The following ATRNL1 variants were observed in gnomAD, a reference collection of about 807,000 sequenced individuals.
The protein encoded by ATRNL1 is attractin like 1.
A neutral mutation model predicts 182.7 loss-of-function variants in ATRNL1; 95 were observed. The observed-to-expected ratio is 0.52, with a 90% CI of 0.44 to 0.62. The LOEUF (loss-of-function observed/expected upper bound fraction) is 0.62. ATRNL1 is among the 20% of genes least tolerant of loss of function. ATRNL1 has a pLI of 0.00. For missense variants in ATRNL1, 1,471 were observed against 1,679.5 expected (o/e 0.88, Z 2.17); for synonymous variants, 576 against 568.3 (o/e 1.01, Z -0.19).
chr10:115,521,950 T>C (rs1419947427), intron 25 of ATRNL1, among the ~76,000 whole-genome samples: 1 of 152,224 alleles, frequency 6.6e-6, no homozygotes, highest in Admixed American at 6.5e-5. Flanking sequence ...TTTACTGTTA[T>C]TGCTGTTATT....
intron 21 of ATRNL1, among the ~76,000 whole-genome samples, chr10:115,438,368 A>G (rs1846507095): frequency 6.6e-6 from 1 of 151,978 alleles, no homozygotes; most frequent in South Asian, 2.1e-4. Context: ...TGCAAGAGTA[A>G]AGCAAATCTT....
chr10:115,616,767 A>G (rs1857449378), intron 26 of ATRNL1, among the ~76,000 whole-genome samples: 1 of 152,242 alleles, frequency 6.6e-6, no homozygotes, highest in South Asian at 2.1e-4. Flanking sequence ...CATGGTTTCA[A>G]GCCTGTAGAT....
rs576359611 is a variant in ATRNL1 at position 115,829,258 on chromosome 10, A to G, written c.3904-18619A>G. Among the ~76,000 whole-genome samples, 248 of 152,294 alleles carry G rather than the reference A, an allele frequency of 1.6e-3. 11 individuals are homozygous for G. The South Asian group carries it at 0.049, about 30-fold the overall frequency. Reference sequence around the variant, plus strand: ...TCTACTTTAGGAAAAGAAAAGGGAAATTTATGGCAGATAGGAGTTGAGAGC... The same window carrying G: ...TCTACTTTAGGAAAAGAAAAGGGAAGTTTATGGCAGATAGGAGTTGAGAGC... On this transcript the variant is annotated intron_variant, in intron 27 of 28. Transcript: ENST00000355044.
intron 26 of ATRNL1, among the ~76,000 whole-genome samples, chr10:115,616,577 C>A (rs928544124): frequency 2.6e-5 from 4 of 152,176 alleles, no homozygotes; most frequent in Admixed American, 2.0e-4. Context: ...ATCACAAGCC[C>A]AGAGGCCTAA....
intron 17 of ATRNL1, among the ~76,000 whole-genome samples, chr10:115,304,029 A>G (rs1853610810): frequency 6.6e-6 from 1 of 152,058 alleles, no homozygotes; most frequent in Non-Finnish European, 1.5e-5. Context: ...TTCATTTGTC[A>G]TATTTGAAAC....
chr10:115,303,579 T>C (rs1272209043), intron 17 of ATRNL1, among the ~76,000 whole-genome samples: 3 of 152,304 alleles, frequency 2.0e-5, no homozygotes, highest in African/African-American at 7.2e-5. Flanking sequence ...AAATATCAGT[T>C]ATTTGGTAAA....
intron 28 of ATRNL1, among the ~76,000 whole-genome samples, chr10:115,910,998 A>G (rs1342243927): frequency 1.3e-5 from 2 of 151,870 alleles, no homozygotes; most frequent in African/African-American, 4.8e-5. Context: ...TGTATTTTTC[A>G]TTATTTATTT....
intron 20 of ATRNL1, among the ~76,000 whole-genome samples, chr10:115,413,200 A>G (rs782431331): frequency 7.2e-5 from 11 of 152,068 alleles, no homozygotes; most frequent in Non-Finnish European, 1.2e-4. Context: ...ATCCTTTGTA[A>G]TGAGATATTT....
chr10:115,382,455 TA>T (rs1858071680), intron 19 of ATRNL1, among the ~76,000 whole-genome samples: 1 of 152,018 alleles, frequency 6.6e-6, no homozygotes, highest in Non-Finnish European at 1.5e-5. Context: ...TATATGAAAT[TA>T]TTTTTTTAAT....
chr10:115,340,288 A>G (rs1554937882), intron 19 of ATRNL1, among the ~76,000 whole-genome samples: 1 of 151,908 alleles, frequency 6.6e-6, no homozygotes, highest in African/African-American at 2.4e-5. Context: ...GACTGCAGGT[A>G]TGTGCCAACA....
At chr10:115,427,683 ATACTT>A (rs1299221265) in intron 21 of ATRNL1, among the ~76,000 whole-genome samples, 1 of 152,152 alleles carries the variant, frequency 6.6e-6, no homozygotes, top group Non-Finnish European at 1.5e-5. Flanking sequence ...TGTGAAGACT[ATACTT>A]TAATCAATGA....
At chr10:115,095,198 C>T (rs992037240) in intron 1 of ATRNL1, among the ~76,000 whole-genome samples, 1 of 152,048 alleles carries the variant, frequency 6.6e-6, no homozygotes, top group Non-Finnish European at 1.5e-5. Flanking sequence ...AGTTTGCTGG[C>T]TGGTTTGTGG....
At chr10:115,934,829 T>G (rs1469376780) in intron 28 of ATRNL1, among the ~76,000 whole-genome samples, 1 of 152,216 alleles carries the variant, frequency 6.6e-6, no homozygotes, top group Non-Finnish European at 1.5e-5. Context: ...CTAAGGCCAC[T>G]TTATGGACCC....
intron 21 of ATRNL1, among the ~76,000 whole-genome samples, chr10:115,439,795 G>A (rs1299332051): frequency 2.0e-5 from 3 of 151,892 alleles, no homozygotes; most frequent in Non-Finnish European, 4.4e-5. Flanking sequence ...AGCAAGTGGA[G>A]AGATGTGAAG....
chr10:115,179,080 A>G (rs1430326077), intron 8 of ATRNL1, among the ~76,000 whole-genome samples: 9 of 152,140 alleles, frequency 5.9e-5, no homozygotes, highest in Non-Finnish European at 1.2e-4. Flanking sequence ...CACTTTCCTT[A>G]AAAGTGTGAA....
At chr10:115,207,686 T>A (rs1554894081) in intron 8 of ATRNL1, among the ~76,000 whole-genome samples, 1 of 152,038 alleles carries the variant, frequency 6.6e-6, no homozygotes, top group Admixed American at 6.6e-5. Flanking sequence ...CCCCCCCACA[T>A]TTTACTAGCT....
intron 26 of ATRNL1, among the ~76,000 whole-genome samples, chr10:115,645,487 TAGAG>T (rs1267568659): frequency 1.5e-4 from 22 of 147,608 alleles, no homozygotes; most frequent in African/African-American, 3.7e-4. Flanking sequence ...ATCTATATAA[TAGAG>T]ATTTATATAT....
chr10:115,756,476 G>A (rs1040442211), intron 27 of ATRNL1, among the ~76,000 whole-genome samples: 1 of 152,170 alleles, frequency 6.6e-6, no homozygotes, highest in Non-Finnish European at 1.5e-5. Flanking sequence ...GTGCAGTTTT[G>A]AGTGAGTTTC....
At chr10:115,703,017 A>G (rs1236830059) in intron 26 of ATRNL1, among the ~76,000 whole-genome samples, 1 of 152,026 alleles carries the variant, frequency 6.6e-6, no homozygotes, top group Non-Finnish European at 1.5e-5. Flanking sequence ...ACTATACTAC[A>G]AGAGTACAGT....
Sources: gnomAD v4.1 joint callset for allele counts (sites outside exome capture counted in the v4.1 genomes callset) on GRCh38, gnomAD v4.1.1 for gene constraint, MANE v1.5 for transcripts, NCBI Gene and HGNC (gene_info 2026-07-23, HGNC 2026-07-21) for gene names.